MYO3A: variants seen among roughly 807,000 people sequenced by gnomAD.
The protein encoded by MYO3A is myosin IIIA, also known as myosin-IIIa.
Under a neutral mutation model 192.7 loss-of-function variants are expected in MYO3A, and 180 were observed. That is an observed-to-expected ratio of 0.93 (90% CI 0.83 to 1.06). The LOEUF is 1.06. Among genes scored for constraint, MYO3A ranks in the 50% least tolerant of loss-of-function variants. The pLI, the probability that MYO3A is intolerant of heterozygous loss-of-function variation, is 0.00. For missense variants in MYO3A, 1,896 were observed against 1,905.0 expected (o/e 1.00, Z 0.09); for synonymous variants, 628 against 645.3 (o/e 0.97, Z 0.41).
intron 22 of MYO3A, among the ~76,000 whole-genome samples, chr10:26,146,412 A>G: frequency 6.6e-6 from 1 of 152,238 alleles, no homozygotes; most frequent in East Asian, 1.9e-4. Context: ...CACAGGCTGC[A>G]TGACTTAAAC....
intron 27 of MYO3A, 107 bp downstream of exon 27, chr10:26,166,285 T>A: frequency 1.0e-6 from 1 of 1,002,376 alleles, no homozygotes; most frequent in Non-Finnish European, 1.6e-6. Context: ...TGTTATAGAA[T>A]CTATAACTTA....
rs528836253 is a variant in MYO3A at position 25,989,734 on chromosome 10, T to C, written c.304-6756T>C. Among the ~76,000 whole-genome samples the C allele has an allele frequency of 2.0e-5, 3 of 152,348 alleles. No individual in the cohort carries two copies. In the South Asian group the frequency reaches 6.2e-4, roughly 32 times the overall value. On this transcript the variant is annotated intron_variant, in intron 4 of 34. Coordinates refer to ENST00000642920, the MANE Select transcript of MYO3A (RefSeq NM_017433.5). ...CATCCAGTAAAATCTAATCACCACA[T>C]TAGAAAAATTGCATGAGAAAATTCA...
At chr10:26,042,031 G>A (rs114374435) in intron 10 of MYO3A, among the ~76,000 whole-genome samples, 24,628 of 151,838 alleles carry the variant, frequency 0.16, 2,256 homozygotes, top group Non-Finnish European at 0.21. Context: ...CCCTAATTTT[G>A]TTTGTGTGGG....
intron 3 of MYO3A, among the ~76,000 whole-genome samples, 183 bp downstream of exon 3, chr10:25,952,461 A>AATAAGGC (rs1244691283): frequency 3.3e-5 from 5 of 152,186 alleles, no homozygotes; most frequent in African/African-American, 1.2e-4. Flanking sequence ...TAGTATATGT[A>AATAAGGC]ATAAGGCACA....
At chr10:25,972,080 C>T (rs1838684082) in intron 4 of MYO3A, among the ~76,000 whole-genome samples, 1 of 152,154 alleles carries the variant, frequency 6.6e-6, no homozygotes, top group African/African-American at 2.4e-5. Context: ...TTTTCTTCTG[C>T]TGCTTGTTCT....
chr10:26,037,351 T>C (rs1271729712), intron 10 of MYO3A, among the ~76,000 whole-genome samples: 1 of 152,208 alleles, frequency 6.6e-6, no homozygotes, highest in East Asian at 1.9e-4. Flanking sequence ...AATGCCTTGA[T>C]ATGGCTTTAT....
At position 26,068,908 on chromosome 10, in the gene MYO3A, G is replaced by C. The variant is rs375848664; in HGVS notation, c.1170+24G>C. 1.9e-5 allele frequency: 26 copies of C among 1,375,856 alleles called. No individual in the cohort carries two copies. In the African/African-American group the frequency reaches 3.4e-4, roughly 18 times the overall value. 85.2% of individuals were successfully genotyped at this position (1,375,856 alleles called of 1,614,324 possible). Reference sequence around the variant, plus strand: ...AGGTATGTCGTATGGGGTGCATTCTGTTACTTCATACACATAATTATACAT... The same window carrying C: ...AGGTATGTCGTATGGGGTGCATTCTCTTACTTCATACACATAATTATACAT... On this transcript the variant is annotated intron_variant, in intron 12 of 34. Transcript: ENST00000642920.
chr10:26,136,438 G>T (rs1197947288), intron 20 of MYO3A, among the ~76,000 whole-genome samples: 1 of 152,192 alleles, frequency 6.6e-6, no homozygotes, highest in Non-Finnish European at 1.5e-5. Context: ...CCCTGTCACT[G>T]CATATACCAG....
At position 26,116,548 on chromosome 10, in the gene MYO3A, G is replaced by A. The variant is rs572269409; in HGVS notation, c.1777-4128G>A. 2.1e-3 allele frequency among the ~76,000 whole-genome samples: 326 copies of A among 152,186 alleles called. 2 individuals carry two copies. The highest frequency in any genetic ancestry group is 3.4e-3 in the Admixed American group (52 of 15,284). The stretch of plus-strand genomic sequence containing the variant: ...GACTTCAACATATGAATCTGAGGGG[G>A]ACACAATTCAACCCACAACAGATGC... On this transcript the variant is annotated intron_variant, in intron 17 of 34. Coordinates refer to ENST00000642920, the MANE Select transcript of MYO3A (RefSeq NM_017433.5).
chr10:26,138,069 T>A (rs1037758688), intron 20 of MYO3A, among the ~76,000 whole-genome samples: 15 of 152,190 alleles, frequency 9.9e-5, no homozygotes, highest in Non-Finnish European at 2.1e-4. Flanking sequence ...AAGCATGTGA[T>A]CTTCATTCTC....
At chr10:26,038,818 A>G (rs1465260109) in intron 10 of MYO3A, among the ~76,000 whole-genome samples, 1 of 152,158 alleles carries the variant, frequency 6.6e-6, no homozygotes, top group East Asian at 1.9e-4. Flanking sequence ...TATGGATCTG[A>G]CATATGTTCG....
At chr10:26,142,052 A>T (rs1840194660) in intron 20 of MYO3A, among the ~76,000 whole-genome samples, 1 of 152,170 alleles carries the variant, frequency 6.6e-6, no homozygotes, top group Admixed American at 6.5e-5. Context: ...TATGTTACTC[A>T]CATTATTTCA....
chr10:26,208,361 A>C (rs1844070553), intron 34 of MYO3A, among the ~76,000 whole-genome samples: 1 of 152,192 alleles, frequency 6.6e-6, no homozygotes, highest in Non-Finnish European at 1.5e-5. Context: ...CATCAACAAA[A>C]AAAGAGGCAA....
intron 4 of MYO3A, among the ~76,000 whole-genome samples, chr10:25,972,268 T>G (rs887973112): frequency 6.6e-6 from 1 of 152,098 alleles, no homozygotes; most frequent in Non-Finnish European, 1.5e-5. Context: ...AATTTTCACT[T>G]TGTTCTTTTT....
intron 17 of MYO3A, among the ~76,000 whole-genome samples, chr10:26,111,296 A>C (rs1192256302): frequency 6.6e-6 from 1 of 152,154 alleles, no homozygotes; most frequent in Non-Finnish European, 1.5e-5. Flanking sequence ...CAAAGACTAC[A>C]GATGAGCTAG....
At chr10:26,098,509 T>A (rs1165867939) in intron 17 of MYO3A, among the ~76,000 whole-genome samples, 2 of 152,236 alleles carry the variant, frequency 1.3e-5, no homozygotes, top group Non-Finnish European at 2.9e-5. Flanking sequence ...TGAATGGTAT[T>A]GCCTAGGTTT....
chr10:26,192,358 C>T (rs945126895), intron 31 of MYO3A, among the ~76,000 whole-genome samples: 1 of 152,060 alleles, frequency 6.6e-6, no homozygotes, highest in Non-Finnish European at 1.5e-5. Flanking sequence ...GAGAAAGAGT[C>T]AACTCTGCAA....
intron 19 of MYO3A, among the ~76,000 whole-genome samples, chr10:26,125,826 C>T (rs1839186837): frequency 6.6e-6 from 1 of 151,998 alleles, no homozygotes; most frequent in African/African-American, 2.4e-5. Flanking sequence ...AACATAAAAC[C>T]TGTAGCAACA....
chr10:26,152,958 G>T (rs1001893227), intron 23 of MYO3A, among the ~76,000 whole-genome samples: 2 of 152,200 alleles, frequency 1.3e-5, no homozygotes, highest in African/African-American at 4.8e-5. Context: ...AATGGGAAAG[G>T]TTTGCCAAAA....
Sources: gnomAD v4.1 joint callset for allele counts (sites outside exome capture counted in the v4.1 genomes callset) on GRCh38, gnomAD v4.1.1 for gene constraint, MANE v1.5 for transcripts, NCBI Gene and HGNC (gene_info 2026-07-23, HGNC 2026-07-21) for gene names.